DPY19L1: variants seen among roughly 807,000 people sequenced by gnomAD.
DPY19L1 encodes dpy-19 like C-mannosyltransferase 1, also known as protein C-mannosyl-transferase DPY19L1.
Under a neutral mutation model 96.9 loss-of-function variants are expected in DPY19L1, and 35 were observed. The observed-to-expected ratio is 0.36, with a 90% CI of 0.28 to 0.48. The LOEUF (loss-of-function observed/expected upper bound fraction) is 0.48, where lower values mean the gene tolerates loss of function less well. DPY19L1 is among the 20% of genes least tolerant of loss of function. The pLI, the probability that DPY19L1 is intolerant of heterozygous loss-of-function variation, is 0.99. For synonymous variants in DPY19L1, 205 were observed against 252.6 expected (o/e 0.81, Z 1.79); for missense variants, 521 against 777.9 (o/e 0.67, Z 3.93).
At chr7:34,962,334 G>A (rs1584221175) in intron 10 of DPY19L1, among the ~76,000 whole-genome samples, 1 of 152,176 alleles carries the variant, frequency 6.6e-6, no homozygotes, top group African/African-American at 2.4e-5. Flanking sequence ...CTAAGTGAAA[G>A]AAGCCAATAC....
At chr7:35,013,903 GAAATAACTGA>G (rs1304652896) in intron 3 of DPY19L1, among the ~76,000 whole-genome samples, 198 bp from the exon 4 acceptor site, 1 of 152,130 alleles carries the variant, frequency 6.6e-6, no homozygotes, top group African/African-American at 2.4e-5. Context: ...CATCTTAATT[GAAATAACTGA>G]ATGCAAAATA....
intron 5 of DPY19L1, 62 bp from the exon 6 acceptor site, chr7:35,010,623 G>T (rs780833418): frequency 6.0e-6 from 6 of 1,007,444 alleles, no homozygotes; most frequent in Non-Finnish European, 7.6e-6. Flanking sequence ...TACGTGTCTA[G>T]CAATTTATAT....
rs532232114 is a variant in DPY19L1 at position 34,973,614 on chromosome 7, A to T, written c.823-9T>A. ...CACATTACACGGGTACACTGAAAAA[A>T]AAAATTTGTAGTATAGTATACTTGC... On this transcript the variant is annotated splice_polypyrimidine_tract_variant and intron_variant, in intron 7 of 21. Coordinates refer to ENST00000638088, the MANE Select transcript of DPY19L1 (RefSeq NM_001366673.1). 1.3e-5 allele frequency: 18 copies of T among 1,422,772 alleles called. No individual in the cohort carries two copies. In the African/African-American group the frequency reaches 2.0e-4, roughly 16 times the overall value. 88.1% of individuals were successfully genotyped at this position (1,422,772 alleles called of 1,614,324 possible). A position where few individuals can be genotyped will look rare whatever the true frequency, so the allele number is the denominator to read the frequency against.
At chr7:34,977,396 A>G (rs1438311191) in intron 7 of DPY19L1, among the ~76,000 whole-genome samples, 4 of 152,158 alleles carry the variant, frequency 2.6e-5, no homozygotes, top group African/African-American at 9.7e-5. Flanking sequence ...CATTTCTCCA[A>G]AATTCGTTGC....
At chr7:35,029,779 G>C (rs1169014853) in intron 1 of DPY19L1, among the ~76,000 whole-genome samples, 3 of 152,182 alleles carry the variant, frequency 2.0e-5, no homozygotes, top group African/African-American at 7.2e-5. Context: ...CTTGTCAAAA[G>C]AGCTCTAGGG....
chr7:35,007,314 G>A (rs1266744721), intron 6 of DPY19L1, among the ~76,000 whole-genome samples: 1 of 152,162 alleles, frequency 6.6e-6, no homozygotes, highest in Non-Finnish European at 1.5e-5. Flanking sequence ...AGGAAAGCTG[G>A]AAAAATGAAA....
chr7:34,975,010 T>C (rs530952625), intron 7 of DPY19L1, among the ~76,000 whole-genome samples: 20 of 152,216 alleles, frequency 1.3e-4, no homozygotes, highest in African/African-American at 4.6e-4. Context: ...TTCTAACTGC[T>C]CCACCAATCA....
intron 6 of DPY19L1, among the ~76,000 whole-genome samples, chr7:35,006,286 C>G (rs2128676887): frequency 6.6e-6 from 1 of 152,284 alleles, no homozygotes; most frequent in Non-Finnish European, 1.5e-5. Context: ...ACCTAGCTAA[C>G]CCCGAACTCC....
At chr7:34,973,726 C>CA in intron 7 of DPY19L1, 121 bp from the exon 8 acceptor site, 1 of 459,898 alleles carries the variant, frequency 2.2e-6, no homozygotes, top group Middle Eastern at 6.3e-4. Flanking sequence ...TGTTGTAAAA[C>CA]AAACTACTGG....
intron 7 of DPY19L1, among the ~76,000 whole-genome samples, chr7:34,979,740 TG>T (rs1784901055): frequency 6.6e-6 from 1 of 152,082 alleles, no homozygotes; most frequent in South Asian, 2.1e-4. Flanking sequence ...TAATAAAATA[TG>T]TGAAAAACAT....
intron 16 of DPY19L1, among the ~76,000 whole-genome samples, chr7:34,945,287 C>T (rs1784120159): frequency 6.6e-6 from 1 of 151,544 alleles, no homozygotes; most frequent in Non-Finnish European, 1.5e-5. Context: ...AATTTATTTT[C>T]TGTAAAAAGT....
At chr7:35,011,263 T>C in intron 5 of DPY19L1, 67 bp downstream of exon 5, 3 of 1,553,280 alleles carry the variant, frequency 1.9e-6, no homozygotes, top group Non-Finnish European at 2.6e-6. Flanking sequence ...CAGTGTAAGT[T>C]TATTATGCTA....
intron 7 of DPY19L1, among the ~76,000 whole-genome samples, chr7:34,977,242 G>A (rs1191790629): frequency 7.9e-5 from 12 of 152,066 alleles, no homozygotes; most frequent in Non-Finnish European, 1.6e-4. Flanking sequence ...ATGCCTGTAT[G>A]ATCAAAATTT....
intron 15 of DPY19L1, among the ~76,000 whole-genome samples, chr7:34,946,678 G>C (rs1784153274): frequency 6.6e-6 from 1 of 152,188 alleles, no homozygotes; most frequent in Non-Finnish European, 1.5e-5. Flanking sequence ...TGCTGTCGGA[G>C]TACACAGCTG....
rs553018937 is a variant in DPY19L1, at chr7:34,946,351, T to C, written c.1495-635A>G. On this transcript the variant is annotated intron_variant, in intron 15 of 21. Coordinates refer to ENST00000638088, the MANE Select transcript of DPY19L1 (RefSeq NM_001366673.1). ...AGTTCTGGTCAAAAGTCATACCTCC[T>C]GGAATTGGCCATGATTCTAAGGAGC... is the stretch of plus-strand genomic sequence containing the variant. 4.6e-5 allele frequency among the ~76,000 whole-genome samples: 7 copies of C among 152,342 alleles called. 1 individual carries two copies. The East Asian group carries it at 9.7e-4, about 21-fold the overall frequency.
At chr7:34,994,268 G>C (rs1180185310) in intron 6 of DPY19L1, among the ~76,000 whole-genome samples, 1 of 151,904 alleles carries the variant, frequency 6.6e-6, no homozygotes, top group Non-Finnish European at 1.5e-5. Flanking sequence ...ACTATACAGA[G>C]ATTACACATC....
intron 7 of DPY19L1, among the ~76,000 whole-genome samples, chr7:34,984,098 C>G (rs1784997658): frequency 6.6e-6 from 1 of 152,108 alleles, no homozygotes; most frequent in Admixed American, 6.6e-5. Flanking sequence ...ATTAAGCAAA[C>G]ATATACTTCA....
At chr7:34,967,914 T>C (rs1784645168) in intron 9 of DPY19L1, among the ~76,000 whole-genome samples, 1 of 152,112 alleles carries the variant, frequency 6.6e-6, no homozygotes, top group African/African-American at 2.4e-5. Flanking sequence ...TGATATGACA[T>C]AACAACTGTG....
chr7:34,939,117 A>G (rs1476704857), intron 20 of DPY19L1, 159 bp downstream of exon 20: 4 of 590,216 alleles, frequency 6.8e-6, no homozygotes, highest in Non-Finnish European at 1.1e-5. Flanking sequence ...GGATTTGTTT[A>G]GAGCTTAGCG....
Sources: allele counts gnomAD v4.1 joint callset (sites outside exome capture counted in the v4.1 genomes callset), GRCh38; gene constraint gnomAD v4.1.1; transcripts MANE v1.5; gene names NCBI Gene and HGNC (gene_info 2026-07-23, HGNC 2026-07-21).